ZC3H8: variants seen among roughly 807,000 people sequenced by gnomAD.
ZC3H8 encodes the protein zinc finger CCCH domain-containing protein 8.
Under a neutral mutation model 42.5 loss-of-function variants are expected in ZC3H8, and 27 were observed. That is an observed-to-expected ratio of 0.64 (90% CI 0.47 to 0.88). The LOEUF (loss-of-function observed/expected upper bound fraction) is 0.88, where lower values mean the gene tolerates loss of function less well. ZC3H8 is among the 40% of genes least tolerant of loss of function. The pLI, the probability that ZC3H8 is intolerant of heterozygous loss-of-function variation, is 0.00. For synonymous variants in ZC3H8, 101 were observed against 110.1 expected, an observed-to-expected ratio of 0.92 and a Z score of 0.52; for missense variants, 277 against 336.1, an observed-to-expected ratio of 0.82 and a Z score of 1.37.
chr2:112,234,866 C>T (rs1188416714), intron 4 of ZC3H8, among the ~76,000 whole-genome samples: 1 of 151,340 alleles, frequency 6.6e-6, no homozygotes. Context: ...AGTCTAAGAA[C>T]GAAGATCTTT....
rs1276165891 is a variant in ZC3H8, at chr2:112,244,421, TAAAAA to T, written c.156+5765_156+5769del. ...AAACCAACAGCTAGAAAATGATACTTAAAAAAAATTATTCACAATAGTTTCATTAA... is the reference window on the plus strand; with the variant it reads ...AAACCAACAGCTAGAAAATGATACTTAAATTATTCACAATAGTTTCATTAA... On this transcript the variant is annotated intron_variant, in intron 2 of 8. Coordinates refer to ENST00000409573, the MANE Select transcript of ZC3H8 (RefSeq NM_032494.3). Among the ~76,000 whole-genome samples the T allele has an allele frequency of 2.6e-5, 4 of 152,140 alleles. No homozygotes were observed. The East Asian group carries it at 7.7e-4, about 29-fold the overall frequency.
rs755420112 is a variant in ZC3H8, at chr2:112,247,472, G to C, written c.156+2719C>G. Among the ~76,000 whole-genome samples, 3 of 152,176 alleles carry C rather than the reference G, an allele frequency of 2.0e-5. No homozygotes were observed. In the South Asian group the frequency reaches 6.2e-4, roughly 31 times the overall value. On this transcript the variant is annotated intron_variant, in intron 2 of 8. Transcript: ENST00000409573. Reference sequence around the variant, plus strand: ...CAGGCACCTGTATTCCCAACTACTCGGGAGGCTGAGGCAGGAGAATTGCTT... The same window carrying C: ...CAGGCACCTGTATTCCCAACTACTCCGGAGGCTGAGGCAGGAGAATTGCTT...
In ZC3H8 at chr2:112,212,789, AATGCATAG is replaced by A. The variant is rs1684181679; in HGVS notation, c.*3687_*3694del. 1 of 152,060 alleles carries A rather than the reference AATGCATAG, an allele frequency of 6.6e-6. No homozygotes were observed. The highest frequency in any genetic ancestry group is 2.1e-4 in the South Asian group (1 of 4,820). The allele number at this position is 152,060 out of a possible 1,614,324, so 9.4% of individuals were successfully genotyped here. A position where few individuals can be genotyped will look rare whatever the true frequency, so the allele number is the denominator to read the frequency against. On this transcript the variant is annotated 3_prime_UTR_variant, in exon 9 of 9. Transcript: ENST00000409573. ...TAATAAAGATTAAAAATAGATTTAA[AATGCATAG>A]ACACAATCCTAGCATTCAGCAGGTG...
chr2:112,244,191 C>G (rs1573921663), intron 2 of ZC3H8, among the ~76,000 whole-genome samples: 1 of 152,080 alleles, frequency 6.6e-6, no homozygotes, highest in East Asian at 1.9e-4. Flanking sequence ...AGGATACTTA[C>G]AAAGATATTA....
chr2:112,230,923 T>C lies in ZC3H8; in HGVS notation c.871A>G (p.Lys291Glu). Residue 291 changes from lysine (K) to glutamate (E), a missense_variant, in exon 8 of 9, where the codon AAA (lysine) becomes GAA (glutamate). Transcript: ENST00000409573. Reference protein sequence around the residue: ...KVLDTEKKSCK With the variant: ...KVLDTEKKSCE ...TTTACCTTTTTATGTCTATTTTATT[T>C]ACATGACTTCTTTTCAGTATCCAAA... 1.6e-6 allele frequency: 2 copies of C among 1,281,710 alleles called. No homozygotes were observed. Among genetic ancestry groups the C allele is most frequent in the South Asian group, 1.5e-5 (1 of 66,222 alleles). The allele number at this position is 1,281,710 out of a possible 1,614,324, so 79.4% of individuals were successfully genotyped here.
At chr2:112,219,736 T>C (rs923286440) in intron 8 of ZC3H8, among the ~76,000 whole-genome samples, 7 of 152,252 alleles carry the variant, frequency 4.6e-5, no homozygotes, top group African/African-American at 1.4e-4. Flanking sequence ...ATGAGCAGAA[T>C]GTACATTCTG....
At chr2:112,231,224 C>T (rs140477168) in intron 7 of ZC3H8, among the ~76,000 whole-genome samples, 5 of 152,130 alleles carry the variant, frequency 3.3e-5, no homozygotes, top group Non-Finnish European at 5.9e-5. Flanking sequence ...TATAAACAAG[C>T]ACCTTTGACT....
chr2:112,243,900 T>G (rs1238795908), intron 2 of ZC3H8, among the ~76,000 whole-genome samples: 1 of 151,668 alleles, frequency 6.6e-6, no homozygotes, highest in African/African-American at 2.4e-5. Flanking sequence ...ACAAAGATAT[T>G]AAAAAATATA....
At position 112,214,194 on chromosome 2, in the gene ZC3H8, C is replaced by T. The variant is rs1273474921; in HGVS notation, c.*2290G>A. Reference sequence around the variant, plus strand: ...ATCTCCTGACCTCATGATCCGCCCACCTCGGCCTCCCAAAGTGCTGGGATT... The same window carrying T: ...ATCTCCTGACCTCATGATCCGCCCATCTCGGCCTCCCAAAGTGCTGGGATT... On this transcript the variant is annotated 3_prime_UTR_variant, in exon 9 of 9. Coordinates refer to ENST00000409573, the MANE Select transcript of ZC3H8 (RefSeq NM_032494.3). The T allele has an allele frequency of 6.6e-6, 1 of 152,114 alleles. No homozygotes were observed. Among genetic ancestry groups the T allele is most frequent in the African/African-American group, 2.4e-5 (1 of 41,414 alleles). The allele number at this position is 152,114 out of a possible 1,614,324, so 9.4% of individuals were successfully genotyped here. A position where few individuals can be genotyped will look rare whatever the true frequency, so the allele number is the denominator to read the frequency against.
chr2:112,252,138 C>G (rs1320030425), intron 1 of ZC3H8, among the ~76,000 whole-genome samples: 1 of 152,288 alleles, frequency 6.6e-6, no homozygotes, highest in East Asian at 1.9e-4. Flanking sequence ...AAGTCTCTAA[C>G]CCAAACCCCT....
chr2:112,219,219 T>C (rs1184026900), intron 8 of ZC3H8, among the ~76,000 whole-genome samples: 1 of 152,128 alleles, frequency 6.6e-6, no homozygotes, highest in Non-Finnish European at 1.5e-5. Flanking sequence ...AACAGTGTGC[T>C]AACAGCATAA....
At chr2:112,216,873 A>G (rs1235393354) in intron 8 of ZC3H8, among the ~76,000 whole-genome samples, 2 of 152,134 alleles carry the variant, frequency 1.3e-5, no homozygotes. Context: ...AAAATTTAAT[A>G]GAAAACAAAG....
At chr2:112,254,087 T>C in intron 1 of ZC3H8, 1 of 978,886 alleles carries the variant, frequency 1.0e-6, no homozygotes, top group African/African-American at 1.7e-5. Flanking sequence ...ATTTATTTCA[T>C]GTAAAGCACA....
chr2:112,232,029 T>G (rs1049573406), intron 6 of ZC3H8, 82 bp from the exon 7 acceptor site: 1 of 812,724 alleles, frequency 1.2e-6, no homozygotes, highest in Non-Finnish European at 1.8e-6. Flanking sequence ...TTTTCCTAAA[T>G]AAAGACCTCT....
chr2:112,222,010 G>A (rs1684610595), intron 8 of ZC3H8, among the ~76,000 whole-genome samples: 1 of 152,042 alleles, frequency 6.6e-6, no homozygotes, highest in African/African-American at 2.4e-5. Flanking sequence ...TTCAATCTTT[G>A]AAGTTGCTGT....
intron 8 of ZC3H8, among the ~76,000 whole-genome samples, chr2:112,224,280 G>A (rs1684721354): frequency 6.6e-6 from 1 of 152,106 alleles, no homozygotes; most frequent in Non-Finnish European, 1.5e-5. Flanking sequence ...TGCTTTGGCA[G>A]AATAAAAAGA....
At chr2:112,220,708 CT>C (rs1244411828) in intron 8 of ZC3H8, among the ~76,000 whole-genome samples, 3 of 152,208 alleles carry the variant, frequency 2.0e-5, no homozygotes, top group Non-Finnish European at 4.4e-5. Context: ...GTAATCCCAG[CT>C]ACTCAGAATG....
intron 1 of ZC3H8, among the ~76,000 whole-genome samples, chr2:112,254,615 G>C (rs1227027013): frequency 6.6e-6 from 1 of 152,230 alleles, no homozygotes; most frequent in Non-Finnish European, 1.5e-5. Context: ...GCTGTGCAGA[G>C]AAAGGGGCGC....
At chr2:112,238,578 C>A in intron 2 of ZC3H8, 50 bp from the exon 3 acceptor site, 1 of 1,470,300 alleles carries the variant, frequency 6.8e-7, no homozygotes, top group Non-Finnish European at 9.2e-7. Context: ...TGATTCAAAA[C>A]AATCTGGCTA....
Sources: gnomAD v4.1 joint callset for allele counts (sites outside exome capture counted in the v4.1 genomes callset) on GRCh38, gnomAD v4.1.1 for gene constraint, MANE v1.5 for transcripts, NCBI Gene and HGNC (gene_info 2026-07-23, HGNC 2026-07-21) for gene names.